Variants in ABCC9 observed in about 807,000 individuals in gnomAD.
ABCC9 encodes the protein ATP-binding cassette sub-family C member 9.
ABCC9 carries 95 observed loss-of-function variants against 188.3 expected under a neutral mutation model. That is an observed-to-expected ratio of 0.50 (90% CI 0.43 to 0.60). The LOEUF (loss-of-function observed/expected upper bound fraction) is 0.60. ABCC9 is among the 20% of genes least tolerant of loss of function. The probability of loss-of-function intolerance (pLI) is 0.00; values close to 1 mark genes in which losing one functional copy is unlikely to be tolerated. For synonymous variants in ABCC9, 659 were observed against 652.7 expected (o/e 1.01, Z -0.15); for missense variants, 1,102 against 1,876.3 (o/e 0.59, Z 7.62).
At chr12:21,815,428 G>A (rs769880697) in intron 34 of ABCC9, among the ~76,000 whole-genome samples, 9 of 151,792 alleles carry the variant, frequency 5.9e-5, no homozygotes, top group South Asian at 2.1e-4. Flanking sequence ...ATAACTAAAA[G>A]AAGTCATTTG....
In ABCC9 at chr12:21,845,559, A is replaced by C. The variant is rs142498007; in HGVS notation, c.3096+44T>G. The C allele has an allele frequency of 1.3e-3, 1,900 of 1,494,500 alleles. 18 individuals are homozygous for C. The highest frequency in any genetic ancestry group is 9.1e-3 in the African/African-American group (657 of 72,406). 92.6% of individuals were successfully genotyped at this position (1,494,500 alleles called of 1,614,324 possible). A position where few individuals can be genotyped will look rare whatever the true frequency, so the allele number is the denominator to read the frequency against. The stretch of plus-strand genomic sequence containing the variant: ...ATAAGAAGGTATCACTGTTAATCTC[A>C]ATATTTCCTTGATGATTTAAAAACA... On this transcript the variant is annotated intron_variant, in intron 26 of 39. Coordinates refer to ENST00000261200, the MANE Select transcript of ABCC9 (RefSeq NM_020297.4).
At chr12:21,813,648 T>G (rs1031972671) in intron 35 of ABCC9, among the ~76,000 whole-genome samples, 4 of 152,144 alleles carry the variant, frequency 2.6e-5, no homozygotes, top group African/African-American at 9.7e-5. Flanking sequence ...CCTTATAACT[T>G]TAATCCCACT....
intron 28 of ABCC9, among the ~76,000 whole-genome samples, chr12:21,843,534 A>G (rs1944493477): frequency 6.6e-6 from 1 of 152,166 alleles, no homozygotes; most frequent in South Asian, 2.1e-4. Flanking sequence ...TTTTATTGTT[A>G]TGAATGGAGT....
chr12:21,888,367 C>T (rs1225901600), intron 14 of ABCC9, among the ~76,000 whole-genome samples: 1 of 152,062 alleles, frequency 6.6e-6, no homozygotes. Flanking sequence ...ACTAAGTAAC[C>T]TGCCTAAAAC....
intron 7 of ABCC9, among the ~76,000 whole-genome samples, 154 bp downstream of exon 7, chr12:21,915,514 A>ATATATATTTTTTTTTTTTTT: frequency 5.7e-4 from 2 of 3,522 alleles, no homozygotes; most frequent in East Asian, 0.021. Flanking sequence ...ATATATATAT[A>ATATATATTTTTTTTTTTTTT]TTTTTTTTTT....
intron 22 of ABCC9, among the ~76,000 whole-genome samples, chr12:21,857,938 T>C (rs1945311866): frequency 6.6e-6 from 1 of 152,190 alleles, no homozygotes; most frequent in Admixed American, 6.6e-5. Flanking sequence ...AGGAAATTTA[T>C]ATACTGTCCA....
At chr12:21,808,020 T>A (rs1941976491) in intron 37 of ABCC9, among the ~76,000 whole-genome samples, 1 of 152,148 alleles carries the variant, frequency 6.6e-6, no homozygotes, top group South Asian at 2.1e-4. Flanking sequence ...GTTGTATGGA[T>A]AAATGAATAT....
chr12:21,862,199 C>A (rs1482462532), intron 20 of ABCC9, among the ~76,000 whole-genome samples: 1 of 152,042 alleles, frequency 6.6e-6, no homozygotes, highest in African/African-American at 2.4e-5. Flanking sequence ...CCAACTGACT[C>A]CTAAATGTCT....
chr12:21,909,642 T>C (rs993594772), intron 10 of ABCC9, among the ~76,000 whole-genome samples: 1 of 151,962 alleles, frequency 6.6e-6, no homozygotes, highest in Non-Finnish European at 1.5e-5. Flanking sequence ...ATACTAACTA[T>C]TGAAACTATG....
At chr12:21,868,764 A>G (rs2137554335) in intron 18 of ABCC9, among the ~76,000 whole-genome samples, 1 of 152,332 alleles carries the variant, frequency 6.6e-6, no homozygotes, top group Admixed American at 6.5e-5. Context: ...AGCTTTAAAA[A>G]AAACGAATTC....
intron 16 of ABCC9, among the ~76,000 whole-genome samples, chr12:21,876,268 A>T (rs989256823): frequency 6.6e-6 from 1 of 152,210 alleles, no homozygotes; most frequent in Non-Finnish European, 1.5e-5. Context: ...GATAGTTTAC[A>T]TATGGACATT....
intron 3 of ABCC9, among the ~76,000 whole-genome samples, chr12:21,934,691 T>G (rs1949418504): frequency 6.6e-6 from 1 of 150,832 alleles, no homozygotes; most frequent in African/African-American, 2.4e-5. Context: ...GGTGTGCTAG[T>G]AGGCCCCACT....
chr12:21,901,548 T>G (rs955613076), intron 12 of ABCC9, among the ~76,000 whole-genome samples: 24 of 152,258 alleles, frequency 1.6e-4, no homozygotes, highest in African/African-American at 5.8e-4. Context: ...GTGTGCTGTA[T>G]TCAGGAAACC....
At chr12:21,893,710 G>T (rs2137735381) in intron 14 of ABCC9, among the ~76,000 whole-genome samples, 1 of 152,084 alleles carries the variant, frequency 6.6e-6, no homozygotes, top group Admixed American at 6.6e-5. Context: ...AAAGGTAATT[G>T]TTAAATAAAT....
At chr12:21,845,512 T>C (rs777808629) in intron 26 of ABCC9, 91 bp downstream of exon 26, 7 of 964,834 alleles carry the variant, frequency 7.3e-6, no homozygotes, top group Non-Finnish European at 1.1e-5. Context: ...CTATGGCATT[T>C]GGGATATAAG....
chr12:21,922,585 G>A (rs1198584285), intron 5 of ABCC9, among the ~76,000 whole-genome samples: 1 of 151,790 alleles, frequency 6.6e-6, no homozygotes, highest in Non-Finnish European at 1.5e-5. Flanking sequence ...AGACATGAAA[G>A]ACCTCTACAC....
At chr12:21,923,221 T>C (rs897701581) in intron 5 of ABCC9, 1 of 151,380 alleles carries the variant, frequency 6.6e-6, no homozygotes, top group African/African-American at 2.4e-5. Context: ...GAAACATATT[T>C]AGAGGGAAGA....
intron 38 of ABCC9, among the ~76,000 whole-genome samples, chr12:21,806,470 A>T (rs187288654): frequency 6.6e-6 from 1 of 152,316 alleles, no homozygotes; most frequent in Non-Finnish European, 1.5e-5. Flanking sequence ...TTTGACACAT[A>T]AATGGACATT....
At chr12:21,885,321 A>T (rs1946818698) in intron 15 of ABCC9, among the ~76,000 whole-genome samples, 1 of 152,208 alleles carries the variant, frequency 6.6e-6, no homozygotes, top group East Asian at 1.9e-4. Context: ...CCTGAAAGAC[A>T]TCAAGAAGTC....
Sources: allele counts gnomAD v4.1 joint callset (sites outside exome capture counted in the v4.1 genomes callset), GRCh38; gene constraint gnomAD v4.1.1; transcripts MANE v1.5; gene names NCBI Gene and HGNC (gene_info 2026-07-23, HGNC 2026-07-21).